Variants in DTNA observed in about 807,000 individuals in gnomAD.
The protein encoded by DTNA is dystrobrevin alpha.
A neutral mutation model predicts 100.7 loss-of-function variants in DTNA; 43 were observed. The observed-to-expected ratio is 0.43, with a 90% confidence interval of 0.33 to 0.55. The LOEUF is 0.55. DTNA is among the 20% of genes least tolerant of loss of function. The pLI is 0.04. For synonymous variants in DTNA, 349 were observed against 347.9 expected (o/e 1.00, Z -0.04); for missense variants, 798 against 953.9 (o/e 0.84, Z 2.15).
chr18:34,699,035 T>C (rs959984464), intron 1 of DTNA, among the ~76,000 whole-genome samples: 1 of 151,452 alleles, frequency 6.6e-6, no homozygotes, highest in Non-Finnish European at 1.5e-5. Flanking sequence ...TAACTGATTA[T>C]ATCTGAAAAG....
chr18:34,672,689 T>C (rs894708107), intron 1 of DTNA, among the ~76,000 whole-genome samples: 3 of 152,182 alleles, frequency 2.0e-5, no homozygotes, highest in African/African-American at 7.2e-5. Context: ...AGAGGAAGTA[T>C]TCATGCTGAA....
chr18:34,589,814 A>G (rs1048794124), intron 1 of DTNA, among the ~76,000 whole-genome samples: 2 of 151,846 alleles, frequency 1.3e-5, no homozygotes, highest in Non-Finnish European at 2.9e-5. Context: ...CTATTTCTAT[A>G]TATTTGATTT....
intron 1 of DTNA, among the ~76,000 whole-genome samples, chr18:34,630,995 C>A (rs2058013467): frequency 6.6e-6 from 1 of 152,034 alleles, no homozygotes; most frequent in Non-Finnish European, 1.5e-5. Context: ...ACATCATAGG[C>A]ATGGCTAGGA....
chr18:34,624,658 G>A (rs1465045924), intron 1 of DTNA, among the ~76,000 whole-genome samples: 1 of 152,150 alleles, frequency 6.6e-6, no homozygotes, highest in African/African-American at 2.4e-5. Context: ...ATTAGCAAGT[G>A]CTGTTAAATT....
At chr18:34,684,096 G>C (rs925791458) in intron 1 of DTNA, among the ~76,000 whole-genome samples, 56 of 152,004 alleles carry the variant, frequency 3.7e-4, no homozygotes, top group African/African-American at 1.2e-3. Flanking sequence ...AGAGAGGGAT[G>C]GGAAGAGTGG....
chr18:34,862,706 C>T (rs181050077), intron 16 of DTNA, among the ~76,000 whole-genome samples: 8 of 151,948 alleles, frequency 5.3e-5, no homozygotes, highest in East Asian at 1.9e-4. Context: ...AGGCTGATGG[C>T]GGAGGACTGC....
chr18:34,545,454 G>A (rs192084716), intron 1 of DTNA, among the ~76,000 whole-genome samples: 3 of 152,192 alleles, frequency 2.0e-5, no homozygotes, highest in African/African-American at 7.2e-5. Context: ...ATTTTCTAAT[G>A]TGTGATTAAC....
intron 1 of DTNA, among the ~76,000 whole-genome samples, chr18:34,529,595 T>C (rs746773712): frequency 6.6e-6 from 1 of 152,166 alleles, no homozygotes; most frequent in Non-Finnish European, 1.5e-5. Context: ...CGACTGCTAC[T>C]GACTAGGAAA....
At chr18:34,735,283 T>C (rs1445472318) in intron 1 of DTNA, among the ~76,000 whole-genome samples, 1 of 152,142 alleles carries the variant, frequency 6.6e-6, no homozygotes, top group Non-Finnish European at 1.5e-5. Context: ...ACCTACCAGA[T>C]TAAGAGTGGA....
intron 1 of DTNA, among the ~76,000 whole-genome samples, chr18:34,641,972 G>C (rs1371501121): frequency 6.6e-6 from 1 of 152,058 alleles, no homozygotes; most frequent in Non-Finnish European, 1.5e-5. Context: ...CACCAAATAG[G>C]CATTAATATC....
At chr18:34,762,233 C>T (rs1333278521) in intron 2 of DTNA, among the ~76,000 whole-genome samples, 8 of 152,172 alleles carry the variant, frequency 5.3e-5, no homozygotes, top group Non-Finnish European at 1.2e-4. Flanking sequence ...CAGAAAAATA[C>T]CATCTGATAA....
At chr18:34,509,996 T>A (rs920138268) in intron 1 of DTNA, among the ~76,000 whole-genome samples, 1 of 151,804 alleles carries the variant, frequency 6.6e-6, no homozygotes, top group Non-Finnish European at 1.5e-5. Flanking sequence ...AGCAAAATAA[T>A]CTAACTTCAC....
intron 9 of DTNA, chr18:34,821,171 A>G: frequency 1.6e-6 from 1 of 612,304 alleles, no homozygotes. Flanking sequence ...AAGCTTAGTT[A>G]TAAAATACGG....
chr18:34,577,684 A>G (rs112520524), intron 1 of DTNA, among the ~76,000 whole-genome samples: 3 of 152,250 alleles, frequency 2.0e-5, no homozygotes, highest in African/African-American at 7.2e-5. Flanking sequence ...AGAACATATG[A>G]TGTTTGGTTT....
At chr18:34,593,264 G>A (rs1265494930) in intron 1 of DTNA, 4 of 152,226 alleles carry the variant, frequency 2.6e-5, no homozygotes, top group East Asian at 3.9e-4. Flanking sequence ...TGCCATTGGC[G>A]AGCTTACCAA....
At chr18:34,706,348 C>T (rs2082115667), upstream of DTNA, among the ~76,000 whole-genome samples, 1 of 152,146 alleles carries the variant, frequency 6.6e-6, no homozygotes, top group Non-Finnish European at 1.5e-5. Flanking sequence ...CAAATGTTTT[C>T]TGTATTTTTC....
intron 4 of DTNA, among the ~76,000 whole-genome samples, chr18:34,800,368 A>G (rs1157393951): frequency 6.6e-6 from 1 of 152,228 alleles, no homozygotes; most frequent in Admixed American, 6.5e-5. Context: ...GCAAATGAAG[A>G]GTAGAGACCA....
chr18:34,508,057 A>G (rs1365122550), intron 1 of DTNA, among the ~76,000 whole-genome samples: 3 of 152,086 alleles, frequency 2.0e-5, no homozygotes, highest in East Asian at 1.9e-4. Flanking sequence ...TGATTATGCA[A>G]TTATTTTCTA....
In DTNA at chr18:34,866,399, T is replaced by G. The variant is rs886053773; in HGVS notation, c.1743+2337T>G. 8.9e-6 allele frequency: 12 copies of G among 1,348,322 alleles called. No homozygotes were observed. The South Asian group carries it at 1.7e-4, about 19-fold the overall frequency. 83.5% of individuals were successfully genotyped at this position (1,348,322 alleles called of 1,614,324 possible). ...ACGAATTGTCATTTATTGGAAACAT[T>G]TTAGATCCCCAGAGGTATAAGTTTC... On this transcript the variant is annotated intron_variant, in intron 17 of 22. Coordinates refer to ENST00000444659, the MANE Select transcript of DTNA (RefSeq NM_001386795.1).
Sources: allele counts gnomAD v4.1 joint callset (sites outside exome capture counted in the v4.1 genomes callset), GRCh38; gene constraint gnomAD v4.1.1; transcripts MANE v1.5; gene names NCBI Gene and HGNC (gene_info 2026-07-23, HGNC 2026-07-21).